The following SLC7A5 variants were observed in gnomAD, a reference collection of about 807,000 sequenced individuals.
The protein encoded by SLC7A5 is large neutral amino acids transporter small subunit 1.
Under a neutral mutation model 50.2 loss-of-function variants are expected in SLC7A5, and 23 were observed. The observed-to-expected ratio is 0.46, with a 90% CI of 0.33 to 0.65. SLC7A5 has a LOEUF of 0.65. Ranked by LOEUF, SLC7A5 falls within the 30% of genes least tolerant of loss-of-function variation. SLC7A5 has a pLI of 0.02. For missense variants in SLC7A5, 578 were observed against 684.4 expected (o/e 0.84, Z 1.73); for synonymous variants, 393 against 330.6 (o/e 1.19, Z -2.05).
chr16:87,840,941 C>A (rs1199434448), intron 3 of SLC7A5, 109 bp downstream of exon 3: 3 of 733,306 alleles, frequency 4.1e-6, no homozygotes, highest in South Asian at 1.4e-5. Context: ...AAGGGAGGGG[C>A]AGTCCACTCC....
intron 1 of SLC7A5, among the ~76,000 whole-genome samples, chr16:87,865,544 G>C (rs2055449391): frequency 3.3e-5 from 5 of 151,796 alleles, no homozygotes; most frequent in Admixed American, 2.0e-4. Flanking sequence ...CCCCGTCTCT[G>C]CTAAAAATAC....
intron 1 of SLC7A5, among the ~76,000 whole-genome samples, chr16:87,868,031 G>A (rs2055484797): frequency 6.6e-6 from 1 of 151,436 alleles, no homozygotes; most frequent in Admixed American, 6.6e-5. Flanking sequence ...CCAGGAGAAT[G>A]GCATGAACCT....
intron 1 of SLC7A5, among the ~76,000 whole-genome samples, chr16:87,858,208 T>G (rs556316365): frequency 3.9e-5 from 6 of 152,162 alleles, no homozygotes; most frequent in Non-Finnish European, 8.8e-5. Flanking sequence ...AGCCTCCCTT[T>G]CCTGTTTCCA....
chr16:87,861,440 C>A lies in SLC7A5; in HGVS notation c.538+7445G>T, dbSNP rs1426676876. Among the ~76,000 whole-genome samples the A allele has an allele frequency of 6.6e-6, 1 of 152,184 alleles. No homozygotes were observed. Among genetic ancestry groups the A allele is most frequent in the Non-Finnish European group, 1.5e-5 (1 of 68,010 alleles). On this transcript the variant is annotated intron_variant, in intron 1 of 9. Transcript: ENST00000261622. The surrounding 1 kb of genome is among the most constrained non-coding windows in gnomAD (Gnocchi z 4.2). ...CTTTGTGCTCCCCTATGCCTGATGA[C>A]AAATGGTGGCCTCAGTGTAGAGGTG...
chr16:87,840,162 G>C (rs545270761), intron 4 of SLC7A5, among the ~76,000 whole-genome samples: 3 of 152,212 alleles, frequency 2.0e-5, no homozygotes, highest in African/African-American at 7.2e-5. Flanking sequence ...CACAGCCGGG[G>C]ACCAGAGCCG....
intron 2 of SLC7A5, among the ~76,000 whole-genome samples, chr16:87,848,276 C>T (rs923120698): frequency 6.6e-6 from 1 of 152,226 alleles, no homozygotes; most frequent in Non-Finnish European, 1.5e-5. Context: ...TTTGTTCTGC[C>T]GCTGACGGCT....
intron 6 of SLC7A5, 66 bp downstream of exon 6, chr16:87,838,648 G>A: frequency 1.7e-6 from 2 of 1,185,798 alleles, no homozygotes; most frequent in Middle Eastern, 1.9e-4. Context: ...TACAGACATG[G>A]AACATGTTGA....
intron 2 of SLC7A5, 31 bp downstream of exon 2, chr16:87,851,693 G>A (rs1390892326): frequency 2.5e-6 from 4 of 1,603,810 alleles, no homozygotes. Context: ...GCCTCGAGGG[G>A]CCGCCGGTGG....
intron 7 of SLC7A5, among the ~76,000 whole-genome samples, chr16:87,837,253 T>C (rs1000772617): frequency 6.6e-6 from 1 of 152,068 alleles, no homozygotes; most frequent in African/African-American, 2.4e-5. Context: ...CCCAGTGTGC[T>C]CAGGGGTGGG....
intron 2 of SLC7A5, among the ~76,000 whole-genome samples, chr16:87,845,593 C>T (rs4453502): frequency 6.6e-6 from 1 of 152,154 alleles, no homozygotes; most frequent in Non-Finnish European, 1.5e-5. Context: ...ATGCCTGTTT[C>T]GCTCTGGCCA....
In SLC7A5 at chr16:87,861,791, G is replaced by A. The variant is rs527359939; in HGVS notation, c.538+7094C>T. 6.6e-6 allele frequency among the ~76,000 whole-genome samples: 1 copy of A among 152,318 alleles called. No homozygotes were observed. Among genetic ancestry groups the A allele is most frequent in the Non-Finnish European group, 1.5e-5 (1 of 68,012 alleles). Reference sequence around the variant, plus strand: ...CAAGAAAAAAGGGTCACAAGTGCCCGTTAGGCTCTCCTGTGTGGCTCAGGT... The same window carrying A: ...CAAGAAAAAAGGGTCACAAGTGCCCATTAGGCTCTCCTGTGTGGCTCAGGT... On this transcript the variant is annotated intron_variant, in intron 1 of 9. Coordinates refer to ENST00000261622, the MANE Select transcript of SLC7A5 (RefSeq NM_003486.7). The surrounding 1 kb of genome is among the most constrained non-coding windows in gnomAD (Gnocchi z 4.2).
At chr16:87,840,324 G>T in intron 4 of SLC7A5, 105 bp downstream of exon 4, 1 of 1,066,236 alleles carries the variant, frequency 9.4e-7, no homozygotes. Context: ...CGGCCCGACT[G>T]TGAACTGGCC....
chr16:87,862,886 G>A lies in SLC7A5; in HGVS notation c.538+5999C>T, dbSNP rs1470856861. ...CCCGCCCACACCAATCTGCTGAGGA[G>A]TGACAGCCATGGGGAGGAGAGCCAC... is the stretch of plus-strand genomic sequence containing the variant. On this transcript the variant is annotated intron_variant, in intron 1 of 9. Coordinates refer to ENST00000261622, the MANE Select transcript of SLC7A5 (RefSeq NM_003486.7). The surrounding 1 kb of genome is among the most constrained non-coding windows in gnomAD (Gnocchi z 5.3). 6.6e-5 allele frequency among the ~76,000 whole-genome samples: 10 copies of A among 152,214 alleles called. No individual in the cohort carries two copies. The highest frequency in any genetic ancestry group is 3.3e-4 in the Admixed American group (5 of 15,284).
rs147379429 is a variant in SLC7A5, at chr16:87,860,766, C to T, written c.538+8119G>A. On this transcript the variant is annotated intron_variant, in intron 1 of 9. Transcript: ENST00000261622. The surrounding 1 kb of genome is among the most constrained non-coding windows in gnomAD (Gnocchi z 4.8). Reference sequence around the variant, plus strand: ...ACTCAGCAGGGATCGAGTTTGCGGGCGTCACGCTCCAAGGCCCAGAATAGG... The same window carrying T: ...ACTCAGCAGGGATCGAGTTTGCGGGTGTCACGCTCCAAGGCCCAGAATAGG... Among the ~76,000 whole-genome samples the T allele has an allele frequency of 2.2e-3, 329 of 152,320 alleles. 1 individual carries two copies. Among genetic ancestry groups the T allele is most frequent in the Non-Finnish European group, 4.0e-3 (273 of 68,024 alleles).
rs979433896 is a variant in SLC7A5 at position 87,852,645 on chromosome 16, T to C, written c.539-796A>G. 8.9e-6 allele frequency among the ~76,000 whole-genome samples: 1 copy of C among 112,852 alleles called. No homozygotes were observed. 74.0% of individuals were successfully genotyped at this position (112,852 alleles called of 152,430 possible). On this transcript the variant is annotated intron_variant, in intron 1 of 9. Coordinates refer to ENST00000261622, the MANE Select transcript of SLC7A5 (RefSeq NM_003486.7). This position sits in a 1 kb window ranked among gnomAD's most constrained non-coding sequence, Gnocchi z 4.5. ...GCACCCAGCTCTGAGCCTCTGTGTG[T>C]GTGTGTGTGTGTGTGTGTGTGTGTG...
chr16:87,868,399 T>C (rs953220539), intron 1 of SLC7A5, among the ~76,000 whole-genome samples: 1 of 152,212 alleles, frequency 6.6e-6, no homozygotes, highest in Non-Finnish European at 1.5e-5. Flanking sequence ...TGTTTTCTTA[T>C]GAGTCAGCCC....
rs1289594758 is a variant in SLC7A5 at position 87,831,318 on chromosome 16, C to T, written c.*1652G>A. 2 of 152,338 alleles carry T rather than the reference C, an allele frequency of 1.3e-5. No individual in the cohort carries two copies. The highest frequency in any genetic ancestry group is 1.9e-4 in the East Asian group (1 of 5,196). 9.4% of individuals were successfully genotyped at this position (152,338 alleles called of 1,614,324 possible). ...GCAGGGGTGAATAAAGGTCTTCATT[C>T]CTCAAGCAAGAGAGACGGACATCTG... On this transcript the variant is annotated 3_prime_UTR_variant, in exon 10 of 10. Transcript: ENST00000261622.
At chr16:87,836,846 G>A (rs2055011084) in intron 7 of SLC7A5, 199 bp from the exon 8 acceptor site, 1 of 559,178 alleles carries the variant, frequency 1.8e-6, no homozygotes, top group Non-Finnish European at 3.3e-6. Context: ...AGAGGAGGAG[G>A]GAAGAGGCGG....
At position 87,862,637 on chromosome 16, in the gene SLC7A5, C is replaced by G. The variant is rs1031099150; in HGVS notation, c.538+6248G>C. ...GAGGCTGAGGGCTGCTCCATGTGCA[C>G]AGTGAGCAGGAGATACAGGCACGTG... On this transcript the variant is annotated intron_variant, in intron 1 of 9. Coordinates refer to ENST00000261622, the MANE Select transcript of SLC7A5 (RefSeq NM_003486.7). The surrounding 1 kb of genome is among the most constrained non-coding windows in gnomAD (Gnocchi z 5.3). Among the ~76,000 whole-genome samples the G allele has an allele frequency of 6.6e-6, 1 of 152,230 alleles. No individual in the cohort carries two copies. The highest frequency in any genetic ancestry group is 6.5e-5 in the Admixed American group (1 of 15,290).
Sources: gnomAD v4.1 joint callset for allele counts (sites outside exome capture counted in the v4.1 genomes callset) on GRCh38, gnomAD v4.1.1 for gene constraint, Gnocchi (gnomAD v3.1) non-coding constraint, MANE v1.5 for transcripts, NCBI Gene and HGNC (gene_info 2026-07-23, HGNC 2026-07-21) for gene names.